The following AKAP19 variants were observed in gnomAD, a reference collection of about 807,000 sequenced individuals.
AKAP19 encodes A-kinase anchoring protein 19.
the AKAP19 span, chr2:190,181,095 C>T: frequency 4.1e-6 from 4 of 985,444 alleles, no homozygotes; most frequent in African/African-American, 3.5e-5. Context: ...GCGCAGCTGC[C>T]GGGCAACGTG....
At chr2:189,918,423 C>G in the AKAP19 span, among the ~76,000 whole-genome samples, 7 of 152,138 alleles carry the variant, frequency 4.6e-5, no homozygotes, top group South Asian at 1.5e-3. Flanking sequence ...GTATGATTCT[C>G]AACATCCAGT....
chr2:189,976,509 G>C, the AKAP19 span, among the ~76,000 whole-genome samples: 2 of 152,218 alleles, frequency 1.3e-5, no homozygotes, highest in African/African-American at 2.4e-5. Context: ...AAAGCTGTCA[G>C]ACAGGGACAT....
chr2:189,924,414 C>T, the AKAP19 span, among the ~76,000 whole-genome samples: 1 of 152,126 alleles, frequency 6.6e-6, no homozygotes, highest in Admixed American at 6.5e-5. Context: ...CTTTGACGCT[C>T]CTAGTAGTTT....
chr2:190,043,545 G>A, the AKAP19 span, among the ~76,000 whole-genome samples: 21 of 152,140 alleles, frequency 1.4e-4, no homozygotes, highest in Admixed American at 6.6e-4. Flanking sequence ...TGTCAGAACC[G>A]TTAGGTTCTT....
At chr2:190,117,181 G>C in the AKAP19 span, among the ~76,000 whole-genome samples, 2,402 of 152,284 alleles carry the variant, frequency 0.016, 64 homozygotes, top group African/African-American at 0.054. Context: ...AGGTGGCAAG[G>C]TGTGGTGGAG....
chr2:189,955,277 C>G, the AKAP19 span, among the ~76,000 whole-genome samples: 1 of 151,968 alleles, frequency 6.6e-6, no homozygotes, highest in Non-Finnish European at 1.5e-5. Context: ...TTCTTTCTTT[C>G]TTGTTTCGTA....
At chr2:189,950,974 G>T in the AKAP19 span, among the ~76,000 whole-genome samples, 2 of 152,090 alleles carry the variant, frequency 1.3e-5, no homozygotes, top group Admixed American at 1.3e-4. Flanking sequence ...CATGCCTGGA[G>T]GGTTGGGGTG....
chr2:190,093,525 G>T, the AKAP19 span, among the ~76,000 whole-genome samples: 3 of 152,114 alleles, frequency 2.0e-5, no homozygotes, highest in Non-Finnish European at 4.4e-5. Flanking sequence ...GTGACTTATA[G>T]CAGAAGTAGA....
the AKAP19 span, among the ~76,000 whole-genome samples, chr2:190,013,973 G>A: frequency 6.6e-6 from 1 of 151,672 alleles, no homozygotes; most frequent in South Asian, 2.1e-4. Context: ...TGCTAACTTT[G>A]GGTTTAGTTG....
chr2:190,071,170 G>A, the AKAP19 span, among the ~76,000 whole-genome samples: 1 of 152,138 alleles, frequency 6.6e-6, no homozygotes, highest in African/African-American at 2.4e-5. Flanking sequence ...AAAGTAGGCT[G>A]GACATGGTGG....
At chr2:190,095,735 G>T in the AKAP19 span, 1 of 152,180 alleles carries the variant, frequency 6.6e-6, no homozygotes, top group Non-Finnish European at 1.5e-5. Context: ...AAGAGTGGAT[G>T]TATACATTTC....
At chr2:190,134,924 A>G in the AKAP19 span, among the ~76,000 whole-genome samples, 1 of 152,076 alleles carries the variant, frequency 6.6e-6, no homozygotes, top group Non-Finnish European at 1.5e-5. Context: ...ATATTCCTAT[A>G]AGTAGAATAA....
chr2:190,128,604 T>G, the AKAP19 span, among the ~76,000 whole-genome samples: 1 of 152,364 alleles, frequency 6.6e-6, no homozygotes, highest in African/African-American at 2.4e-5. Flanking sequence ...TACATGTTTA[T>G]GATGTACGTC....
At chr2:190,002,558 AAAAG>A in the AKAP19 span, among the ~76,000 whole-genome samples, 1 of 151,760 alleles carries the variant, frequency 6.6e-6, no homozygotes, top group East Asian at 1.9e-4. Context: ...TAAATTTAAA[AAAAG>A]AAAGAAATAA....
chr2:189,884,470 T>C, the AKAP19 span, among the ~76,000 whole-genome samples: 1 of 152,180 alleles, frequency 6.6e-6, no homozygotes, highest in Non-Finnish European at 1.5e-5. Context: ...TCTTAGTCAA[T>C]AGCTGTTGTA....
chr2:190,077,160 T>C, the AKAP19 span, among the ~76,000 whole-genome samples: 1 of 152,158 alleles, frequency 6.6e-6, no homozygotes, highest in East Asian at 1.9e-4. Flanking sequence ...TATTTTCTTT[T>C]AAAACCTTGA....
At chr2:189,935,533 CA>C in the AKAP19 span, among the ~76,000 whole-genome samples, 1 of 151,860 alleles carries the variant, frequency 6.6e-6, no homozygotes, top group African/African-American at 2.4e-5. Context: ...ATATAATTTT[CA>C]AATGGAGTCT....
At chr2:189,967,890 A>C in the AKAP19 span, among the ~76,000 whole-genome samples, 1 of 152,142 alleles carries the variant, frequency 6.6e-6, no homozygotes, top group Admixed American at 6.5e-5. Context: ...AAGTCATAAT[A>C]AAGTTAAATG....
the AKAP19 span, among the ~76,000 whole-genome samples, chr2:189,928,861 C>A: frequency 6.6e-6 from 1 of 152,036 alleles, no homozygotes; most frequent in Non-Finnish European, 1.5e-5. Flanking sequence ...AGGTTGAGAC[C>A]ACTTTTCCTT....
Sources: gnomAD v4.1 joint callset for allele counts (sites outside exome capture counted in the v4.1 genomes callset) on GRCh38, gnomAD v4.1.1 for gene constraint, MANE v1.5 for transcripts, NCBI Gene and HGNC (gene_info 2026-07-23, HGNC 2026-07-21) for gene names.